The following EED variants were observed in gnomAD, a reference collection of about 807,000 sequenced individuals.
EED encodes polycomb protein EED.
EED carries 9 observed loss-of-function variants against 61.0 expected under a neutral mutation model. The ratio of observed to expected loss-of-function variants is 0.15; its 90% CI spans 0.09 to 0.26. The LOEUF (loss-of-function observed/expected upper bound fraction) is 0.26, where lower values mean the gene tolerates loss of function less well. Ranked by LOEUF, EED falls within the 10% of genes least tolerant of loss-of-function variation. The pLI is 1.00. For missense variants in EED, 315 were observed against 542.3 expected, an observed-to-expected ratio of 0.58 and a Z score of 4.16; for synonymous variants, 187 against 174.4, an observed-to-expected ratio of 1.07 and a Z score of -0.57.
chr11:86,245,882 T>C (rs1168905077), intron 1 of EED, among the ~76,000 whole-genome samples: 3 of 152,096 alleles, frequency 2.0e-5, no homozygotes, highest in Non-Finnish European at 4.4e-5. Flanking sequence ...CGCCTGAAGG[T>C]CGCCTTTTCT....
chr11:86,272,669 T>C (rs927129994), intron 9 of EED, among the ~76,000 whole-genome samples: 10 of 152,256 alleles, frequency 6.6e-5, no homozygotes, highest in African/African-American at 2.4e-4. Context: ...CTATTGTTCA[T>C]GCATTCACAT....
chr11:86,256,699 A>G (rs1593734533), intron 5 of EED, among the ~76,000 whole-genome samples, 187 bp downstream of exon 5: 1 of 152,244 alleles, frequency 6.6e-6, no homozygotes, highest in East Asian at 1.9e-4. Flanking sequence ...AAATTAAGGA[A>G]TAAGTGGGAA....
At chr11:86,247,671 T>C (rs1432130350) in intron 1 of EED, among the ~76,000 whole-genome samples, 1 of 152,202 alleles carries the variant, frequency 6.6e-6, no homozygotes, top group Non-Finnish European at 1.5e-5. Context: ...ATTTCATCCA[T>C]GTACCCCTGA....
intron 9 of EED, among the ~76,000 whole-genome samples, chr11:86,273,954 C>G (rs1267927664): frequency 6.6e-6 from 1 of 152,158 alleles, no homozygotes; most frequent in Non-Finnish European, 1.5e-5. Flanking sequence ...CTTGAAGAAT[C>G]TGTAGTAGAT....
At chr11:86,275,524 A>C (rs995840949) in intron 9 of EED, among the ~76,000 whole-genome samples, 15 of 152,212 alleles carry the variant, frequency 9.9e-5, no homozygotes, top group African/African-American at 3.6e-4. Context: ...GATGATTTTG[A>C]AGTGCAGCCA....
chr11:86,270,897 A>G (rs1367859457), intron 9 of EED, among the ~76,000 whole-genome samples: 3 of 152,224 alleles, frequency 2.0e-5, no homozygotes, highest in Non-Finnish European at 4.4e-5. Context: ...CACCAGTACT[A>G]CATACACAGT....
chr11:86,284,442 T>G, the EED span: 1 of 152,292 alleles, frequency 6.6e-6, no homozygotes, highest in Non-Finnish European at 1.5e-5. Flanking sequence ...AACTGCACCT[T>G]GGACAGTGAG....
intron 6 of EED, among the ~76,000 whole-genome samples, chr11:86,258,426 T>C (rs1945730975): frequency 6.6e-6 from 1 of 152,068 alleles, no homozygotes; most frequent in Non-Finnish European, 1.5e-5. Flanking sequence ...CTAGGAAGAG[T>C]TGATTACTTT....
At chr11:86,262,091 A>C (rs1294125943) in intron 6 of EED, among the ~76,000 whole-genome samples, 1 of 152,212 alleles carries the variant, frequency 6.6e-6, no homozygotes, top group Non-Finnish European at 1.5e-5. Flanking sequence ...TATGTTGCCC[A>C]GGCTGGTCTT....
chr11:86,263,604 C>T (rs1208898065), intron 6 of EED, among the ~76,000 whole-genome samples: 4 of 152,172 alleles, frequency 2.6e-5, no homozygotes, highest in African/African-American at 4.8e-5. Flanking sequence ...TAGTCTCAAA[C>T]TCCTGGGCTT....
chr11:86,250,803 C>A (rs1363248411), intron 2 of EED, among the ~76,000 whole-genome samples: 1 of 152,060 alleles, frequency 6.6e-6, no homozygotes, highest in East Asian at 1.9e-4. Flanking sequence ...TTAAAAAGAA[C>A]TGAATGTAAC....
intron 7 of EED, 174 bp downstream of exon 7, chr11:86,264,437 CTA>C (rs1351247372): frequency 4.6e-5 from 19 of 415,176 alleles, no homozygotes; most frequent in African/African-American, 4.4e-4. Context: ...CAAGTAAAGA[CTA>C]TATTTATTTA....
At chr11:86,285,003 T>C in the EED span, among the ~76,000 whole-genome samples, 1 of 152,046 alleles carries the variant, frequency 6.6e-6, no homozygotes, top group African/African-American at 2.4e-5. Context: ...CCCAGCTACT[T>C]GGGAGGATGA....
chr11:86,258,554 G>T (rs374812626), intron 6 of EED, among the ~76,000 whole-genome samples: 2,053 of 143,624 alleles, frequency 0.014, 22 homozygotes, highest in South Asian at 0.025. Flanking sequence ...TTTGTTTTTT[G>T]GTTTTTTTTT....
chr11:86,271,267 CTAAG>C (rs567850771), intron 9 of EED, among the ~76,000 whole-genome samples: 11 of 151,982 alleles, frequency 7.2e-5, no homozygotes, highest in East Asian at 1.9e-4. Flanking sequence ...AGATTTATAC[CTAAG>C]TATTTTTTAA....
At chr11:86,255,692 A>G (rs1945651865) in intron 4 of EED, among the ~76,000 whole-genome samples, 1 of 152,094 alleles carries the variant, frequency 6.6e-6, no homozygotes, top group African/African-American at 2.4e-5. Flanking sequence ...AGTCATTCTA[A>G]GTATTTGATC....
At chr11:86,263,081 C>G (rs1053932872) in intron 6 of EED, among the ~76,000 whole-genome samples, 3 of 152,174 alleles carry the variant, frequency 2.0e-5, no homozygotes, top group Non-Finnish European at 4.4e-5. Context: ...GCTGGGATTA[C>G]AGGCATGAAC....
At chr11:86,248,590 T>C (rs1945446966) in intron 1 of EED, among the ~76,000 whole-genome samples, 1 of 152,184 alleles carries the variant, frequency 6.6e-6, no homozygotes, top group Non-Finnish European at 1.5e-5. Context: ...AATTTATTAA[T>C]ATATGGAGTA....
intron 6 of EED, among the ~76,000 whole-genome samples, chr11:86,259,790 A>G (rs1425903120): frequency 3.9e-5 from 6 of 152,246 alleles, no homozygotes; most frequent in Admixed American, 2.0e-4. Flanking sequence ...AATCAAAACC[A>G]TAATGAAATA....
Sources: allele counts gnomAD v4.1 joint callset (sites outside exome capture counted in the v4.1 genomes callset), GRCh38; gene constraint gnomAD v4.1.1; transcripts MANE v1.5; gene names NCBI Gene and HGNC (gene_info 2026-07-23, HGNC 2026-07-21).